Variants in ITGA9 observed in about 807,000 individuals in gnomAD.
ITGA9 encodes integrin alpha-9.
ITGA9 carries 56 observed loss-of-function variants against 127.8 expected under a neutral mutation model. The ratio of observed to expected loss-of-function variants is 0.44; its 90% confidence interval spans 0.35 to 0.55. The LOEUF (loss-of-function observed/expected upper bound fraction) is 0.55. Ranked by LOEUF, ITGA9 falls within the 20% of genes least tolerant of loss-of-function variation. The pLI, the probability that ITGA9 is intolerant of heterozygous loss-of-function variation, is 0.00. For missense variants in ITGA9, 1,196 were observed against 1,347.1 expected (o/e 0.89, Z 1.76); for synonymous variants, 508 against 514.5 (o/e 0.99, Z 0.17).
At chr3:37,499,312 G>T (rs1303096287) in intron 5 of ITGA9, among the ~76,000 whole-genome samples, 1 of 152,208 alleles carries the variant, frequency 6.6e-6, no homozygotes, top group Non-Finnish European at 1.5e-5. Flanking sequence ...GTAGATCCCG[G>T]GCACTCCTGC....
rs1463913434 is a variant in ITGA9, at chr3:37,473,205, G to C, written c.314-149G>C. Reference sequence around the variant, plus strand: ...TGCTATGTAAAAAAACAGTTGTCTGGATTAAACAGTATAGTACATAGTGAT... The same window carrying C: ...TGCTATGTAAAAAAACAGTTGTCTGCATTAAACAGTATAGTACATAGTGAT... On this transcript the variant is annotated intron_variant, in intron 2 of 27. Transcript: ENST00000264741. 5 of 513,524 alleles carry C rather than the reference G, an allele frequency of 9.7e-6. No individual in the cohort carries two copies. In the African/African-American group the frequency reaches 9.8e-5, roughly 10 times the overall value. 31.8% of individuals were successfully genotyped at this position (513,524 alleles called of 1,614,324 possible). A position where few individuals can be genotyped will look rare whatever the true frequency, so the allele number is the denominator to read the frequency against.
At chr3:37,519,010 C>G (rs1699016576) in intron 10 of ITGA9, among the ~76,000 whole-genome samples, 1 of 151,382 alleles carries the variant, frequency 6.6e-6, no homozygotes, top group African/African-American at 2.4e-5. Flanking sequence ...GTCTTAAACT[C>G]TTGACCTCAG....
At chr3:37,720,880 C>G (rs994110891) in intron 18 of ITGA9, among the ~76,000 whole-genome samples, 2 of 152,170 alleles carry the variant, frequency 1.3e-5, no homozygotes, top group South Asian at 4.1e-4. Context: ...AGGAACGAGA[C>G]AGCTTATTCA....
Position 37,494,534 on chromosome 3 carries a change from C to A in ITGA9, c.578C>A (p.Ser193Tyr). 1 of 1,613,950 alleles carries A rather than the reference C, an allele frequency of 6.2e-7. No individual in the cohort carries two copies. Residue 193 changes from serine to tyrosine, a missense_variant, in exon 5 of 28, where the codon TCC (serine) becomes TAC (tyrosine). Ser to Tyr is a moderately radical substitution (Grantham distance 144). Transcript: ENST00000264741. The stretch of plus-strand genomic sequence containing the variant: ...AAGAAGTACGGAGAGGAACACGGCT[C>A]CTGCCAGGCTGGGATAGCGGGCTTC... ...YKKKYGEEHG[S>Y]CQAGIAGFFT... is the part of the protein sequence containing the mutation.
At chr3:37,584,160 G>C (rs1343742637) in intron 15 of ITGA9, among the ~76,000 whole-genome samples, 1 of 152,192 alleles carries the variant, frequency 6.6e-6, no homozygotes, top group Non-Finnish European at 1.5e-5. Context: ...TTCTGCTGCA[G>C]GTCTGCACGT....
chr3:37,812,658 G>A (rs1444043199), intron 27 of ITGA9, among the ~76,000 whole-genome samples: 1 of 152,232 alleles, frequency 6.6e-6, no homozygotes, highest in Non-Finnish European at 1.5e-5. Context: ...TGCAGGACCA[G>A]CAGACACAAA....
chr3:37,756,830 TAAACTTGGAAGCTAA>T (rs1257186765), intron 23 of ITGA9, among the ~76,000 whole-genome samples: 1 of 152,026 alleles, frequency 6.6e-6, no homozygotes, highest in Non-Finnish European at 1.5e-5. Context: ...CACAATGCAA[TAAACTTGGAAGCTAA>T]AAACAAAAGG....
chr3:37,518,929 T>C (rs1699015649), intron 10 of ITGA9, among the ~76,000 whole-genome samples: 1 of 151,650 alleles, frequency 6.6e-6, no homozygotes, highest in South Asian at 2.1e-4. Flanking sequence ...GGACAACAGG[T>C]GCGTGCCACC....
chr3:37,483,762 G>A (rs548185995), intron 4 of ITGA9, among the ~76,000 whole-genome samples: 5 of 152,302 alleles, frequency 3.3e-5, no homozygotes, highest in African/African-American at 1.2e-4. Flanking sequence ...GGAGCTGGGG[G>A]GAGACAGGTG....
chr3:37,673,653 G>T (rs1700657438), intron 17 of ITGA9, among the ~76,000 whole-genome samples: 1 of 152,062 alleles, frequency 6.6e-6, no homozygotes, highest in Non-Finnish European at 1.5e-5. Flanking sequence ...TGCTCTTCTG[G>T]TTCTTTTCAC....
intron 23 of ITGA9, among the ~76,000 whole-genome samples, chr3:37,759,480 G>A (rs989465631): frequency 3.3e-5 from 5 of 152,078 alleles, no homozygotes; most frequent in African/African-American, 1.2e-4. Flanking sequence ...AAGTATGACA[G>A]CAATGATTCA....
chr3:37,805,962 C>G (rs549985901), intron 27 of ITGA9: 11 of 152,248 alleles, frequency 7.2e-5, no homozygotes, highest in African/African-American at 2.6e-4. Flanking sequence ...TGTGAGCCAC[C>G]CCGCCCGGCC....
chr3:37,739,575 A>G lies in ITGA9; in HGVS notation c.2235-2155A>G, dbSNP rs574382713. The stretch of plus-strand genomic sequence containing the variant: ...ACTTGTAGATTTAGGGGGACATAAC[A>G]TTGAGACTGAGCAGTTTCTTGAACC... On this transcript the variant is annotated intron_variant, in intron 20 of 27. Transcript: ENST00000264741. 2.6e-5 allele frequency among the ~76,000 whole-genome samples: 4 copies of G among 152,326 alleles called. No individual in the cohort carries two copies. The East Asian group carries it at 7.7e-4, about 29-fold the overall frequency.
At chr3:37,719,148 C>T (rs961624712) in intron 18 of ITGA9, among the ~76,000 whole-genome samples, 5 of 152,088 alleles carry the variant, frequency 3.3e-5, no homozygotes, top group South Asian at 2.1e-4. Context: ...ACCAGGAGGC[C>T]GTTTTGTGCT....
chr3:37,656,889 T>G (rs1303093088), intron 17 of ITGA9, among the ~76,000 whole-genome samples: 9 of 152,214 alleles, frequency 5.9e-5, no homozygotes, highest in Admixed American at 5.9e-4. Flanking sequence ...ATTGAGAGTT[T>G]TTAGCATGAA....
intron 17 of ITGA9, among the ~76,000 whole-genome samples, chr3:37,683,379 T>C (rs1281613900): frequency 6.6e-6 from 1 of 152,198 alleles, no homozygotes; most frequent in Non-Finnish European, 1.5e-5. Flanking sequence ...CTATCTTCCT[T>C]ACCCTTTGTA....
chr3:37,769,406 C>T (rs192583091), intron 23 of ITGA9, among the ~76,000 whole-genome samples: 4 of 151,822 alleles, frequency 2.6e-5, no homozygotes, highest in East Asian at 3.9e-4. Context: ...TAATTTTGAG[C>T]GACGTTAATC....
In ITGA9 at chr3:37,822,757, C is replaced by T. The variant is rs922282132; in HGVS notation, c.*3768C>T. On this transcript the variant is annotated 3_prime_UTR_variant, in exon 28 of 28. Transcript: ENST00000264741. The stretch of plus-strand genomic sequence containing the variant: ...CTGTATGCTACCTGTTGAACCCTAG[C>T]ATGGTGGCTTTTTAAAAGGTTATTT... 1 of 152,206 alleles carries T rather than the reference C, an allele frequency of 6.6e-6. No individual in the cohort carries two copies. Among genetic ancestry groups the T allele is most frequent in the Non-Finnish European group, 1.5e-5 (1 of 68,040 alleles). The allele number at this position is 152,206 out of a possible 1,614,324, so 9.4% of individuals were successfully genotyped here. A position where few individuals can be genotyped will look rare whatever the true frequency, so the allele number is the denominator to read the frequency against.
intron 23 of ITGA9, among the ~76,000 whole-genome samples, chr3:37,774,723 A>G (rs1559594692): frequency 6.8e-6 from 1 of 147,862 alleles, no homozygotes; most frequent in Non-Finnish European, 1.5e-5. Context: ...TCTCCAAAAA[A>G]AAAACAAAAA....
Sources: gnomAD v4.1 joint callset for allele counts (sites outside exome capture counted in the v4.1 genomes callset) on GRCh38, gnomAD v4.1.1 for gene constraint, MANE v1.5 for transcripts, NCBI Gene and HGNC (gene_info 2026-07-23, HGNC 2026-07-21) for gene names.